Variants in GRM8 observed in about 807,000 individuals in gnomAD.
GRM8 encodes the protein glutamate metabotropic receptor 8.
GRM8 carries 47 observed loss-of-function variants against 87.2 expected under a neutral mutation model. The observed-to-expected ratio is 0.54, with a 90% CI of 0.43 to 0.69. The LOEUF (loss-of-function observed/expected upper bound fraction) is 0.69. GRM8 is among the 30% of genes least tolerant of loss of function. GRM8 has a pLI of 0.00. For synonymous variants in GRM8, 396 were observed against 404.5 expected, an observed-to-expected ratio of 0.98 and a Z score of 0.25; for missense variants, 1,019 against 1,139.2, an observed-to-expected ratio of 0.89 and a Z score of 1.52.
At chr7:127,080,446 G>A (rs1822732703) in intron 3 of GRM8, among the ~76,000 whole-genome samples, 1 of 152,112 alleles carries the variant, frequency 6.6e-6, no homozygotes, top group Non-Finnish European at 1.5e-5. Flanking sequence ...AGCAGCATAG[G>A]AAACTAGCAC....
chr7:126,545,950 C>G (rs1817106251), intron 8 of GRM8, among the ~76,000 whole-genome samples: 1 of 152,128 alleles, frequency 6.6e-6, no homozygotes. Context: ...CAGTGCAAAA[C>G]ACTTACCCAT....
chr7:127,117,648 G>A (rs903962339), intron 2 of GRM8, among the ~76,000 whole-genome samples: 2 of 152,144 alleles, frequency 1.3e-5, no homozygotes, highest in South Asian at 2.1e-4. Context: ...AAACCAAAAC[G>A]ATGCCATGGC....
intron 7 of GRM8, among the ~76,000 whole-genome samples, chr7:126,674,093 A>G (rs1806686919): frequency 6.6e-6 from 1 of 151,970 alleles, no homozygotes; most frequent in Non-Finnish European, 1.5e-5. Flanking sequence ...TTCTTATTCC[A>G]TCTCTCAACC....
intron 1 of GRM8, among the ~76,000 whole-genome samples, chr7:127,249,591 C>T (rs951840629): frequency 6.6e-6 from 1 of 152,086 alleles, no homozygotes; most frequent in Admixed American, 6.5e-5. Flanking sequence ...TGCTCAGCGT[C>T]CCTCCCAGTG....
intron 9 of GRM8, among the ~76,000 whole-genome samples, chr7:126,477,811 T>C (rs200627652): frequency 6.6e-6 from 1 of 152,158 alleles, no homozygotes; most frequent in Non-Finnish European, 1.5e-5. Flanking sequence ...CCTGTGGCTG[T>C]TCTAACAAAT....
chr7:126,674,726 G>T (rs992032195), intron 7 of GRM8, among the ~76,000 whole-genome samples: 1 of 152,106 alleles, frequency 6.6e-6, no homozygotes, highest in African/African-American at 2.4e-5. Context: ...AACAAGGCAG[G>T]CTGCTGGCCA....
intron 8 of GRM8, among the ~76,000 whole-genome samples, chr7:126,542,722 G>A (rs1340657418): frequency 6.6e-6 from 1 of 152,092 alleles, no homozygotes; most frequent in Non-Finnish European, 1.5e-5. Flanking sequence ...TTAAAGCTGT[G>A]GTGAGTAATT....
At chr7:126,769,745 A>G (rs1340336822) in intron 7 of GRM8, 120 bp downstream of exon 7, 2 of 641,698 alleles carry the variant, frequency 3.1e-6, no homozygotes, top group Non-Finnish European at 5.5e-6. Context: ...CTTCTAATCA[A>G]AGAAGAGAAC....
chr7:126,575,163 T>G (rs886845796), intron 8 of GRM8, among the ~76,000 whole-genome samples: 5 of 152,002 alleles, frequency 3.3e-5, no homozygotes, highest in Admixed American at 1.3e-4. Flanking sequence ...GCACAAGCAT[T>G]ACTGCCTGAG....
At chr7:127,170,760 A>G (rs905054090) in intron 2 of GRM8, among the ~76,000 whole-genome samples, 1 of 152,208 alleles carries the variant, frequency 6.6e-6, no homozygotes, top group Non-Finnish European at 1.5e-5. Flanking sequence ...CAAACATTGT[A>G]TGTTCTCACT....
intron 9 of GRM8, among the ~76,000 whole-genome samples, chr7:126,482,438 G>T (rs1230450442): frequency 6.6e-6 from 1 of 151,668 alleles, no homozygotes; most frequent in African/African-American, 2.4e-5. Flanking sequence ...AACAAAATGT[G>T]GTATAAACAT....
chr7:126,899,660 T>C (rs1022260829), intron 6 of GRM8, among the ~76,000 whole-genome samples: 1 of 152,198 alleles, frequency 6.6e-6, no homozygotes, highest in African/African-American at 2.4e-5. Context: ...AAAGGTAACA[T>C]TGGTCTTTAA....
intron 7 of GRM8, among the ~76,000 whole-genome samples, chr7:126,643,925 T>C (rs1802752401): frequency 6.6e-6 from 1 of 152,360 alleles, no homozygotes. Context: ...ACTATATATA[T>C]GATAAAGGCT....
In GRM8 at chr7:127,252,856, G is replaced by GCGCCGC. The variant is rs550378317; in HGVS notation, c.-377_-372dup. 6.2e-4 allele frequency: 135 copies of GCGCCGC among 218,128 alleles called. 1 individual carries two copies. Among genetic ancestry groups the GCGCCGC allele is most frequent in the African/African-American group, 1.7e-3 (71 of 41,992 alleles). The allele number at this position is 218,128 out of a possible 1,614,324, so 13.5% of individuals were successfully genotyped here. The stretch of plus-strand genomic sequence containing the variant: ...GCCGGGGGCCCGCAGCTCCATGTCA[G>GCGCCGC]CGCCGCCGCCGCCGCCGCCGCCGCC... On this transcript the variant is annotated 5_prime_UTR_variant, in exon 1 of 11. Transcript: ENST00000339582. This position sits in a 1 kb window ranked among gnomAD's most constrained non-coding sequence, Gnocchi z 4.9.
chr7:127,086,777 G>A (rs1185474593), intron 3 of GRM8, among the ~76,000 whole-genome samples: 2 of 152,186 alleles, frequency 1.3e-5, no homozygotes, highest in Non-Finnish European at 2.9e-5. Context: ...TATGGAATGT[G>A]ACCAAGGGAC....
intron 2 of GRM8, among the ~76,000 whole-genome samples, chr7:127,139,155 A>C (rs1344161545): frequency 6.6e-6 from 1 of 152,146 alleles, no homozygotes; most frequent in Non-Finnish European, 1.5e-5. Context: ...GATTGGGTGG[A>C]CAGTGGAAAG....
intron 7 of GRM8, among the ~76,000 whole-genome samples, chr7:126,615,063 A>G (rs919855226): frequency 6.6e-6 from 1 of 152,186 alleles, no homozygotes; most frequent in African/African-American, 2.4e-5. Flanking sequence ...ACTCCAAGAC[A>G]CATAATTGTC....
chr7:126,595,684 TCTC>T (rs1430013296), intron 8 of GRM8, among the ~76,000 whole-genome samples: 1 of 151,978 alleles, frequency 6.6e-6, no homozygotes, highest in Non-Finnish European at 1.5e-5. Context: ...AAGGACATGA[TCTC>T]CTTTTTTATA....
At chr7:127,091,401 C>T (rs925422154) in intron 3 of GRM8, among the ~76,000 whole-genome samples, 3 of 132,766 alleles carry the variant, frequency 2.3e-5, no homozygotes, top group African/African-American at 2.9e-5. Flanking sequence ...ATCCCCCCAC[C>T]ACCATCCCCG....
Sources: gnomAD v4.1 joint callset for allele counts (sites outside exome capture counted in the v4.1 genomes callset) on GRCh38, gnomAD v4.1.1 for gene constraint, Gnocchi (gnomAD v3.1) non-coding constraint, MANE v1.5 for transcripts, NCBI Gene and HGNC (gene_info 2026-07-23, HGNC 2026-07-21) for gene names.